Variants in SESN1 observed in about 807,000 individuals in gnomAD.
The protein encoded by SESN1 is sestrin-1.
In SESN1, 30 loss-of-function variants were observed where a neutral mutation model predicts 59.3. That is an observed-to-expected ratio of 0.51 (90% CI 0.38 to 0.69). The LOEUF (loss-of-function observed/expected upper bound fraction) is 0.69. Ranked by LOEUF, SESN1 falls within the 30% of genes least tolerant of loss-of-function variation. The pLI, the probability that SESN1 is intolerant of heterozygous loss-of-function variation, is 0.00. For synonymous variants in SESN1, 197 were observed against 219.9 expected (o/e 0.90, Z 0.92); for missense variants, 566 against 673.0 (o/e 0.84, Z 1.76).
chr6:109,042,433 GA>G (rs979187925), intron 1 of SESN1, among the ~76,000 whole-genome samples: 2 of 128,302 alleles, frequency 1.6e-5, no homozygotes, highest in South Asian at 2.4e-4. Context: ...TCTTTGAAAA[GA>G]AAAAAAAATT....
At chr6:108,991,228 AGTGTGTGTGTGTGTGT>A (rs112709389) in intron 7 of SESN1, among the ~76,000 whole-genome samples, 1 of 148,048 alleles carries the variant, frequency 6.8e-6, no homozygotes, top group Non-Finnish European at 1.5e-5. Flanking sequence ...TCAAATTATG[AGTGTGTGTGTGTGTGT>A]GTGTGTGTGT....
chr6:109,066,115 G>C (rs1161326897), intron 1 of SESN1, among the ~76,000 whole-genome samples: 2 of 152,004 alleles, frequency 1.3e-5, no homozygotes, highest in African/African-American at 4.8e-5. Context: ...TACATATATT[G>C]ACAGGTAATA....
intron 1 of SESN1, among the ~76,000 whole-genome samples, chr6:109,023,704 A>G (rs1040183155): frequency 1.8e-4 from 28 of 152,226 alleles, no homozygotes; most frequent in Non-Finnish European, 2.9e-4. Flanking sequence ...CTTTGCACAT[A>G]GAATACTAAA....
rs139041441 is a variant in SESN1, at chr6:109,063,275, G to GA, written c.279+30519dup. Among the ~76,000 whole-genome samples, 1,167 of 149,186 alleles carry GA rather than the reference G, an allele frequency of 7.8e-3. 20 individuals are homozygous for GA. Among genetic ancestry groups the GA allele is most frequent in the African/African-American group, 0.028 (1,117 of 40,530 alleles). ...AGGCTCAGGTATAACTGTTTGAAGA[G>GA]AAATAAGTAGGAGGGTGGGGTGGTG... On this transcript the variant is annotated intron_variant, in intron 1 of 9. Coordinates refer to ENST00000436639, the MANE Select transcript of SESN1 (RefSeq NM_014454.3).
At chr6:109,088,545 T>C (rs989411171) in intron 1 of SESN1, among the ~76,000 whole-genome samples, 1 of 152,168 alleles carries the variant, frequency 6.6e-6, no homozygotes, top group Non-Finnish European at 1.5e-5. Flanking sequence ...CAAAGATAAG[T>C]ATTTTGTTGC....
intron 1 of SESN1, among the ~76,000 whole-genome samples, chr6:109,042,576 A>G (rs1780359693): frequency 6.6e-6 from 1 of 151,774 alleles, no homozygotes; most frequent in African/African-American, 2.4e-5. Context: ...TAATAATGGA[A>G]TACTGTGAAC....
intron 1 of SESN1, among the ~76,000 whole-genome samples, chr6:109,035,507 C>A (rs1021976416): frequency 5.3e-5 from 8 of 150,930 alleles, no homozygotes; most frequent in African/African-American, 2.0e-4. Flanking sequence ...GTGTTCAGGA[C>A]TCTTGGGGAC....
At chr6:109,009,776 G>C (rs1409790775) in intron 1 of SESN1, among the ~76,000 whole-genome samples, 1 of 152,116 alleles carries the variant, frequency 6.6e-6, no homozygotes, top group Non-Finnish European at 1.5e-5. Context: ...GTACGGAATG[G>C]GCTCTGGAGG....
At chr6:109,040,370 TGAA>T (rs960458517) in intron 1 of SESN1, among the ~76,000 whole-genome samples, 2 of 152,220 alleles carry the variant, frequency 1.3e-5, no homozygotes, top group African/African-American at 4.8e-5. Context: ...TTACTGGGGT[TGAA>T]GAAGGATTAA....
chr6:109,035,469 C>A (rs371147966), intron 1 of SESN1, among the ~76,000 whole-genome samples: 3 of 151,464 alleles, frequency 2.0e-5, no homozygotes, highest in Non-Finnish European at 2.9e-5. Flanking sequence ...GTAGGAAGAA[C>A]CTTAGTACTG....
intron 1 of SESN1, among the ~76,000 whole-genome samples, chr6:109,060,542 A>G (rs1306507498): frequency 6.6e-6 from 1 of 152,212 alleles, no homozygotes; most frequent in Admixed American, 6.5e-5. Flanking sequence ...ATAAACAGCA[A>G]TGACAGTGAA....
At chr6:109,080,152 G>A (rs1359235032) in intron 1 of SESN1, among the ~76,000 whole-genome samples, 1 of 152,150 alleles carries the variant, frequency 6.6e-6, no homozygotes, top group Non-Finnish European at 1.5e-5. Context: ...AGAGTTACTT[G>A]TGGGGCGGGG....
intron 2 of SESN1, among the ~76,000 whole-genome samples, chr6:109,001,725 C>CT (rs1337362606): frequency 6.6e-6 from 1 of 152,118 alleles, no homozygotes; most frequent in Non-Finnish European, 1.5e-5. Context: ...AGATAGGCTG[C>CT]TTGCAGAGTT....
At chr6:108,998,153 T>C (rs1052353196) in intron 5 of SESN1, among the ~76,000 whole-genome samples, 14 of 152,206 alleles carry the variant, frequency 9.2e-5, no homozygotes, top group Non-Finnish European at 2.1e-4. Context: ...GCACAAAAAG[T>C]CTCCACCACC....
In SESN1 at chr6:109,073,130, A is replaced by G. The variant is rs77614832; in HGVS notation, c.279+20665T>C. Among the ~76,000 whole-genome samples, 571 of 152,284 alleles carry G rather than the reference A, an allele frequency of 3.7e-3. 5 individuals are homozygous for G. The highest frequency in any genetic ancestry group is 0.027 in the Middle Eastern group (8 of 294). ...TGCCATCTGCACTAGCTAGGTGAACAGGGGCAAATTAGATAACCTCTTTGT... is the reference window on the plus strand; with the variant it reads ...TGCCATCTGCACTAGCTAGGTGAACGGGGGCAAATTAGATAACCTCTTTGT... On this transcript the variant is annotated intron_variant, in intron 1 of 9. Transcript: ENST00000436639.
At chr6:109,024,188 A>G (rs895523834) in intron 1 of SESN1, among the ~76,000 whole-genome samples, 2 of 152,218 alleles carry the variant, frequency 1.3e-5, no homozygotes, top group Non-Finnish European at 2.9e-5. Context: ...TTCAGTGGAA[A>G]ACCCTTCACC....
chr6:109,045,073 G>A (rs1045974889), intron 1 of SESN1, among the ~76,000 whole-genome samples: 7 of 150,608 alleles, frequency 4.6e-5, no homozygotes, highest in South Asian at 2.1e-4. Context: ...ATTGCACTAC[G>A]CTACCACCTC....
Position 109,002,313 on chromosome 6 carries a change from CTAG to C in SESN1, c.307_309del (p.Leu103del). ...GGGATGAATCTGCTTGGTCCCTGTCCTAGTGGTCGAGGAATTCTAATGCCAAGT... is the reference window on the plus strand; with the variant it reads ...GGGATGAATCTGCTTGGTCCCTGTCCTGGTCGAGGAATTCTAATGCCAAGT... On this transcript the variant is annotated inframe_deletion, in exon 2 of 10. Coordinates refer to ENST00000436639, the MANE Select transcript of SESN1 (RefSeq NM_014454.3). 6.2e-7 allele frequency: 1 copy of C among 1,613,358 alleles called. No homozygotes were observed. Among genetic ancestry groups the C allele is most frequent in the Non-Finnish European group, 8.5e-7 (1 of 1,179,458 alleles).
At chr6:109,090,187 T>A (rs1781288502) in intron 1 of SESN1, among the ~76,000 whole-genome samples, 1 of 152,212 alleles carries the variant, frequency 6.6e-6, no homozygotes, top group Non-Finnish European at 1.5e-5. Context: ...ACCATAAGCA[T>A]AATGCTCATT....
Sources: allele counts gnomAD v4.1 joint callset (sites outside exome capture counted in the v4.1 genomes callset), GRCh38; gene constraint gnomAD v4.1.1; transcripts MANE v1.5; gene names NCBI Gene and HGNC (gene_info 2026-07-23, HGNC 2026-07-21).